MTRF1: variants seen among roughly 807,000 people sequenced by gnomAD.
MTRF1 encodes mitochondrial translation release factor 1.
MTRF1 carries 51 observed loss-of-function variants against 62.9 expected under a neutral mutation model. The observed-to-expected ratio is 0.81, with a 90% CI of 0.65 to 1.02. The LOEUF is 1.02. Among genes scored for constraint, MTRF1 ranks in the 50% least tolerant of loss-of-function variants. MTRF1 has a pLI of 0.00. For synonymous variants in MTRF1, 158 were observed against 181.9 expected (o/e 0.87, Z 1.06); for missense variants, 446 against 530.0 (o/e 0.84, Z 1.56).
intron 5 of MTRF1, among the ~76,000 whole-genome samples, chr13:41,248,901 AT>A (rs2038648564): frequency 6.6e-6 from 1 of 152,196 alleles, no homozygotes; most frequent in Non-Finnish European, 1.5e-5. Context: ...ATCTAGAGCC[AT>A]TACCCTCCAC....
the MTRF1 span, chr13:41,288,365 G>A: frequency 4.5e-6 from 1 of 221,040 alleles, no homozygotes; most frequent in Non-Finnish European, 9.1e-6. Flanking sequence ...AGGCACTAAG[G>A]CAAGAAGTGG....
At chr13:41,307,101 C>T in the MTRF1 span, among the ~76,000 whole-genome samples, 3 of 152,094 alleles carry the variant, frequency 2.0e-5, no homozygotes, top group African/African-American at 4.8e-5. Context: ...CTACCAGCAC[C>T]GTGATTGGTG....
At chr13:41,249,735 C>A (rs1306488959) in intron 5 of MTRF1, among the ~76,000 whole-genome samples, 1 of 143,918 alleles carries the variant, frequency 6.9e-6, no homozygotes, top group Non-Finnish European at 1.5e-5. Context: ...CAAGTGATTC[C>A]CATGCCTCAG....
At chr13:41,222,511 T>G (rs1395506323) in intron 9 of MTRF1, among the ~76,000 whole-genome samples, 1 of 152,176 alleles carries the variant, frequency 6.6e-6, no homozygotes, top group African/African-American at 2.4e-5. Context: ...CCTAGGTGAC[T>G]AAGCAGCTGA....
chr13:41,290,005 T>C, the MTRF1 span, among the ~76,000 whole-genome samples: 5 of 152,082 alleles, frequency 3.3e-5, no homozygotes, highest in African/African-American at 7.2e-5. Context: ...CAAGAGTTTG[T>C]TGAATCCCGA....
At chr13:41,271,963 A>G in the MTRF1 span, among the ~76,000 whole-genome samples, 1 of 152,112 alleles carries the variant, frequency 6.6e-6, no homozygotes, top group Non-Finnish European at 1.5e-5. Context: ...ACTTCCTAGG[A>G]GAAAAAAACA....
chr13:41,240,178 G>A, intron 6 of MTRF1, 83 bp downstream of exon 6: 7 of 1,346,354 alleles, frequency 5.2e-6, no homozygotes, highest in East Asian at 2.5e-5. Flanking sequence ...AAAAAAAAAG[G>A]ACAGATTTTC....
the MTRF1 span, among the ~76,000 whole-genome samples, chr13:41,286,475 G>A: frequency 6.6e-6 from 1 of 152,176 alleles, no homozygotes; most frequent in Non-Finnish European, 1.5e-5. Context: ...ACTTGCAAGT[G>A]CTTAGATAAG....
chr13:41,240,833 A>G (rs1432989946), intron 5 of MTRF1, among the ~76,000 whole-genome samples: 1 of 152,194 alleles, frequency 6.6e-6, no homozygotes, highest in Non-Finnish European at 1.5e-5. Flanking sequence ...AAAAAATAAT[A>G]CTGGGATGTT....
intron 9 of MTRF1, among the ~76,000 whole-genome samples, chr13:41,219,749 A>G (rs2032813803): frequency 6.6e-6 from 1 of 152,196 alleles, no homozygotes; most frequent in Non-Finnish European, 1.5e-5. Context: ...CTCTAATCTC[A>G]GCACTTTGGG....
the MTRF1 span, among the ~76,000 whole-genome samples, chr13:41,284,455 A>G: frequency 1.1e-4 from 16 of 151,062 alleles, no homozygotes; most frequent in Non-Finnish European, 1.3e-4. Flanking sequence ...AGCTTGGGTG[A>G]CAGAATGACA....
the MTRF1 span, among the ~76,000 whole-genome samples, chr13:41,284,818 T>C: frequency 6.6e-6 from 1 of 152,116 alleles, no homozygotes; most frequent in Non-Finnish European, 1.5e-5. Context: ...CACAACTGGC[T>C]AACTTTTGTA....
chr13:41,219,828 G>A (rs1566052881), intron 9 of MTRF1, among the ~76,000 whole-genome samples: 1 of 151,286 alleles, frequency 6.6e-6, no homozygotes, highest in Non-Finnish European at 1.5e-5. Flanking sequence ...GGGAAACCCC[G>A]TTTCTACTAA....
intron 8 of MTRF1, among the ~76,000 whole-genome samples, chr13:41,224,564 A>G (rs772006997): frequency 6.6e-6 from 1 of 152,182 alleles, no homozygotes; most frequent in African/African-American, 2.4e-5. Context: ...TCTTCTGACA[A>G]TCAGCCAAGT....
the MTRF1 span, among the ~76,000 whole-genome samples, chr13:41,307,212 G>C: frequency 6.6e-6 from 1 of 151,614 alleles, no homozygotes; most frequent in African/African-American, 2.4e-5. Context: ...ATCTCATCTT[G>C]AATCGTAACC....
At chr13:41,271,464 G>A in the MTRF1 span, among the ~76,000 whole-genome samples, 8,166 of 152,130 alleles carry the variant, frequency 0.054, 266 homozygotes, top group Non-Finnish European at 0.08. Context: ...CTGAGCTGTG[G>A]CCTAGGGTTT....
rs770840629 is a variant in MTRF1 at position 41,263,287 on chromosome 13, C to T, written c.-9+198G>A. 38 of 1,289,224 alleles carry T rather than the reference C, an allele frequency of 2.9e-5. No individual in the cohort carries two copies. In the Middle Eastern group the frequency reaches 1.3e-3, roughly 43 times the overall value. The allele number at this position is 1,289,224 out of a possible 1,614,324, so 79.9% of individuals were successfully genotyped here. On this transcript the variant is annotated intron_variant, in intron 1 of 9. Transcript: ENST00000379480. ...AGGTTAACTACACCTGAGAACAGCA[C>T]GACTTCTCCATTACCCATCACAGTA...
the MTRF1 span, among the ~76,000 whole-genome samples, chr13:41,272,242 C>CT: frequency 1.3e-5 from 2 of 152,152 alleles, no homozygotes; most frequent in Non-Finnish European, 2.9e-5. Flanking sequence ...GTTCTGAATT[C>CT]TTTACAGGGA....
At chr13:41,241,602 C>T (rs986554354) in intron 5 of MTRF1, among the ~76,000 whole-genome samples, 20 of 152,170 alleles carry the variant, frequency 1.3e-4, no homozygotes, top group Non-Finnish European at 8.8e-5. Flanking sequence ...TAGCCCTAGG[C>T]GCTACAGTTT....
Sources: gnomAD v4.1 joint callset for allele counts (sites outside exome capture counted in the v4.1 genomes callset) on GRCh38, gnomAD v4.1.1 for gene constraint, MANE v1.5 for transcripts, NCBI Gene and HGNC (gene_info 2026-07-23, HGNC 2026-07-21) for gene names.